LAMA2: variants seen among roughly 807,000 people sequenced by gnomAD.
LAMA2 encodes the protein laminin subunit alpha 2.
A neutral mutation model predicts 364.8 loss-of-function variants in LAMA2; 269 were observed. The ratio of observed to expected loss-of-function variants is 0.74; its 90% CI spans 0.67 to 0.82. The LOEUF is 0.82. Ranked by LOEUF, LAMA2 falls within the 40% of genes least tolerant of loss-of-function variation. The pLI, the probability that LAMA2 is intolerant of heterozygous loss-of-function variation, is 0.00. For missense variants in LAMA2, 3,807 were observed against 3,873.2 expected, an observed-to-expected ratio of 0.98 and a Z score of 0.45; for synonymous variants, 1,379 against 1,370.6, an observed-to-expected ratio of 1.01 and a Z score of -0.14.
chr6:129,072,726 T>C (rs1453397122), intron 3 of LAMA2, among the ~76,000 whole-genome samples: 1 of 152,114 alleles, frequency 6.6e-6, no homozygotes, highest in Non-Finnish European at 1.5e-5. Flanking sequence ...GTGAAGTCTT[T>C]TATTACTCAT....
intron 40 of LAMA2, among the ~76,000 whole-genome samples, chr6:129,418,145 C>G (rs1780895331): frequency 6.6e-6 from 1 of 152,082 alleles, no homozygotes; most frequent in African/African-American, 2.4e-5. Flanking sequence ...ATCGCCTGCT[C>G]CCTCTGTTTT....
At chr6:129,199,291 A>C (rs977826793) in intron 12 of LAMA2, among the ~76,000 whole-genome samples, 1 of 152,224 alleles carries the variant, frequency 6.6e-6, no homozygotes, top group Non-Finnish European at 1.5e-5. Flanking sequence ...GAAATGGGTA[A>C]AATTAAACAT....
At chr6:129,137,598 C>A (rs1243893753) in intron 4 of LAMA2, among the ~76,000 whole-genome samples, 2 of 151,718 alleles carry the variant, frequency 1.3e-5, no homozygotes, top group Non-Finnish European at 2.9e-5. Flanking sequence ...TTATGATGAA[C>A]AGTCAATAAA....
intron 18 of LAMA2, among the ~76,000 whole-genome samples, chr6:129,282,085 C>G (rs1357109510): frequency 6.6e-6 from 1 of 152,126 alleles, no homozygotes; most frequent in Non-Finnish European, 1.5e-5. Flanking sequence ...TTATGCACAT[C>G]ATCTAAATAA....
At chr6:129,056,711 A>T (rs7768567) in intron 2 of LAMA2, among the ~76,000 whole-genome samples, 44,674 of 151,916 alleles carry the variant, frequency 0.29, 7,115 homozygotes, top group African/African-American at 0.42. Context: ...CAAATCTGAA[A>T]ATGCCAAATT....
At chr6:129,486,724 C>G in intron 56 of LAMA2, 102 bp downstream of exon 56, 6 of 1,057,424 alleles carry the variant, frequency 5.7e-6, no homozygotes, top group Non-Finnish European at 8.8e-6. Context: ...GTGTGTGGAC[C>G]TACTATGCAT....
chr6:129,497,280 C>G (rs952500230), intron 58 of LAMA2, among the ~76,000 whole-genome samples: 1 of 152,048 alleles, frequency 6.6e-6, no homozygotes, highest in Non-Finnish European at 1.5e-5. Flanking sequence ...CTCTGTCACC[C>G]AGGCTGGTGT....
intron 15 of LAMA2, among the ~76,000 whole-genome samples, chr6:129,262,629 ACTT>A (rs1349464536): frequency 6.6e-6 from 1 of 152,154 alleles, no homozygotes; most frequent in Non-Finnish European, 1.5e-5. Flanking sequence ...TTTCTCTCTG[ACTT>A]CTTCATTTCT....
At chr6:129,138,400 A>ACC (rs1436385610) in intron 4 of LAMA2, among the ~76,000 whole-genome samples, 3 of 152,152 alleles carry the variant, frequency 2.0e-5, no homozygotes, top group Non-Finnish European at 4.4e-5. Context: ...ATACTTCAAA[A>ACC]ACTGTGCCTG....
intron 29 of LAMA2, among the ~76,000 whole-genome samples, chr6:129,330,598 G>GTTTTTTTTTT (rs1554273762): frequency 1.1e-5 from 1 of 88,676 alleles, no homozygotes; most frequent in Admixed American, 1.3e-4. Context: ...TTTGGTTTTT[G>GTTTTTTTTTT]TTTTTTTTTT....
At chr6:129,172,612 A>G (rs1780263947) in intron 9 of LAMA2, among the ~76,000 whole-genome samples, 1 of 152,210 alleles carries the variant, frequency 6.6e-6, no homozygotes, top group Non-Finnish European at 1.5e-5. Flanking sequence ...TGCAGAGGTT[A>G]CTGCTGTCTT....
chr6:129,206,334 T>C (rs1782675276), intron 12 of LAMA2, among the ~76,000 whole-genome samples: 1 of 152,214 alleles, frequency 6.6e-6, no homozygotes, highest in Admixed American at 6.5e-5. Context: ...AAAGCTCTGT[T>C]CTAGTGCCCC....
intron 8 of LAMA2, among the ~76,000 whole-genome samples, chr6:129,161,995 A>G (rs890043534): frequency 6.6e-6 from 1 of 152,170 alleles, no homozygotes; most frequent in African/African-American, 2.4e-5. Context: ...AGAATGATAT[A>G]TATTCCTTTG....
chr6:129,447,910 A>C (rs1782470634), intron 45 of LAMA2, among the ~76,000 whole-genome samples: 1 of 152,224 alleles, frequency 6.6e-6, no homozygotes. Context: ...CATTGTAAAG[A>C]TTTCTGAGTG....
At chr6:129,251,040 T>TTCTCTCTCTCTC (rs66896334) in intron 13 of LAMA2, among the ~76,000 whole-genome samples, 6 of 61,668 alleles carry the variant, frequency 9.7e-5, no homozygotes, top group East Asian at 6.7e-4. Flanking sequence ...GTCTCTCTCT[T>TTCTCTCTCTCTC]TCTCTCTCTC....
At chr6:129,510,763 A>G (rs1786509642) in intron 62 of LAMA2, among the ~76,000 whole-genome samples, 2 of 152,094 alleles carry the variant, frequency 1.3e-5, no homozygotes, top group African/African-American at 4.8e-5. Flanking sequence ...AGGTGATTTT[A>G]ACACTCCCAT....
At chr6:129,350,570 T>A (rs1776802870) in intron 31 of LAMA2, among the ~76,000 whole-genome samples, 1 of 152,224 alleles carries the variant, frequency 6.6e-6, no homozygotes, top group African/African-American at 2.4e-5. Context: ...GAGCACTCCA[T>A]GGAATCAGGC....
At chr6:129,271,673 A>G (rs1787952793) in intron 17 of LAMA2, among the ~76,000 whole-genome samples, 1 of 152,012 alleles carries the variant, frequency 6.6e-6, no homozygotes, top group Non-Finnish European at 1.5e-5. Context: ...ATAAAAGGAA[A>G]TTATTTTCTG....
At position 128,983,597 on chromosome 6, in the gene LAMA2, G is replaced by A. The variant is rs555804693; in HGVS notation, c.113-66321G>A. Among the ~76,000 whole-genome samples, 16 of 152,314 alleles carry A rather than the reference G, an allele frequency of 1.1e-4. No individual in the cohort carries two copies. The South Asian group carries it at 3.1e-3, about 30-fold the overall frequency. The stretch of plus-strand genomic sequence containing the variant: ...AGTATAGTGCAAGAATGGTAGGAAA[G>A]GATGGAGAGGACAATGGGAAAACAC... On this transcript the variant is annotated intron_variant, in intron 1 of 64. Coordinates refer to ENST00000421865, the MANE Select transcript of LAMA2 (RefSeq NM_000426.4).
Sources: gnomAD v4.1 joint callset for allele counts (sites outside exome capture counted in the v4.1 genomes callset) on GRCh38, gnomAD v4.1.1 for gene constraint, MANE v1.5 for transcripts, NCBI Gene and HGNC (gene_info 2026-07-23, HGNC 2026-07-21) for gene names.